The following PKHD1 variants were observed in gnomAD, a reference collection of about 807,000 sequenced individuals.
The protein encoded by PKHD1 is PKHD1 ciliary IPT domain containing fibrocystin/polyductin, also known as fibrocystin.
A neutral mutation model predicts 412.0 loss-of-function variants in PKHD1; 291 were observed. That is an observed-to-expected ratio of 0.71 (90% confidence interval 0.64 to 0.78). The LOEUF (loss-of-function observed/expected upper bound fraction) is 0.78, where lower values mean the gene tolerates loss of function less well. Ranked by LOEUF, PKHD1 falls within the 30% of genes least tolerant of loss-of-function variation. The pLI is 0.00. For synonymous variants in PKHD1, 1,777 were observed against 1,821.5 expected (o/e 0.98, Z 0.62); for missense variants, 4,825 against 4,950.7 (o/e 0.97, Z 0.76).
At chr6:51,980,170 G>C (rs1794956857) in intron 35 of PKHD1, among the ~76,000 whole-genome samples, 1 of 152,048 alleles carries the variant, frequency 6.6e-6, no homozygotes. Context: ...AAACAAATGG[G>C]GGATGTCAGT....
rs1320764846 is a variant in PKHD1 at position 52,035,584 on chromosome 6, C to T, written c.3228+7G>A. 1.2e-6 allele frequency: 2 copies of T among 1,613,526 alleles called. No individual in the cohort carries two copies. Among genetic ancestry groups the T allele is most frequent in the South Asian group, 1.1e-5 (1 of 91,058 alleles). On this transcript the variant is annotated splice_region_variant and intron_variant, in intron 28 of 66. Transcript: ENST00000371117. The stretch of plus-strand genomic sequence containing the variant: ...GAGAGAAAGAGATATGAAAGGAATC[C>T]ACTTACCCTGGGTGGAACTTTGCAC...
chr6:51,936,647 G>T (rs1414483630), intron 36 of PKHD1, among the ~76,000 whole-genome samples: 1 of 152,132 alleles, frequency 6.6e-6, no homozygotes, highest in Admixed American at 6.5e-5. Flanking sequence ...TTAGGCAAGG[G>T]CGTTACAAAG....
chr6:51,848,939 GAA>G (rs34781445), intron 49 of PKHD1, among the ~76,000 whole-genome samples: 34 of 123,950 alleles, frequency 2.7e-4, no homozygotes, highest in Admixed American at 1.4e-3. Context: ...TATTTCTTCT[GAA>G]AAAAAAAAAA....
chr6:51,873,382 G>A (rs1478148874), intron 46 of PKHD1, among the ~76,000 whole-genome samples: 1 of 152,142 alleles, frequency 6.6e-6, no homozygotes, highest in African/African-American at 2.4e-5. Flanking sequence ...TGCGGAGTGG[G>A]GTTGAATGGG....
intron 60 of PKHD1, among the ~76,000 whole-genome samples, chr6:51,727,400 T>C (rs1782710428): frequency 1.3e-5 from 2 of 151,754 alleles, no homozygotes; most frequent in East Asian, 1.9e-4. Context: ...TCAGAGCAGG[T>C]GAGGAAGTAT....
intron 19 of PKHD1, 93 bp from the exon 20 acceptor site, chr6:52,054,258 G>A: frequency 1.6e-6 from 2 of 1,236,184 alleles, no homozygotes; most frequent in Non-Finnish European, 2.4e-6. Flanking sequence ...CTAGAACCCT[G>A]CCATAGGCTC....
At chr6:51,755,765 A>G (rs1786888394) in intron 55 of PKHD1, among the ~76,000 whole-genome samples, 2 of 152,194 alleles carry the variant, frequency 1.3e-5, no homozygotes, top group African/African-American at 2.4e-5. Flanking sequence ...GTGAATGTTC[A>G]TTCAGACAAC....
intron 55 of PKHD1, among the ~76,000 whole-genome samples, chr6:51,770,915 AAGG>A (rs1369447636): frequency 6.6e-6 from 1 of 152,084 alleles, no homozygotes; most frequent in Non-Finnish European, 1.5e-5. Context: ...AGTTGAGTTT[AAGG>A]AGATTAGGCC....
chr6:51,772,785 A>T lies in PKHD1; in HGVS notation c.8559T>A (p.Val2853=). The T allele has an allele frequency of 6.4e-7, 1 of 1,556,246 alleles. No homozygotes were observed. The change falls in exon 55 of 67, where the codon GTT becomes GTA. Residue 2853 remains valine, a synonymous_variant. Transcript: ENST00000371117. ...CACTGTAAAGATGAACTTTCCCATA[A>T]ACCCCTGAAAATAAAAGGAGTAACA... ...GIHIDPGTIG[V]YGKVHLYSAY... is the part of the protein sequence containing the mutation.
chr6:51,654,621 C>T (rs1221946388), intron 61 of PKHD1, among the ~76,000 whole-genome samples: 1 of 145,204 alleles, frequency 6.9e-6, no homozygotes, highest in Non-Finnish European at 1.5e-5. Flanking sequence ...TTACAATTAG[C>T]ATCCTTTTCA....
intron 61 of PKHD1, among the ~76,000 whole-genome samples, chr6:51,658,361 T>C (rs1772232438): frequency 6.6e-6 from 1 of 152,140 alleles, no homozygotes; most frequent in East Asian, 1.9e-4. Flanking sequence ...TTCACTTGGA[T>C]ATGTTGCTCT....
chr6:52,027,532 C>CAAAAAAAAAAA (rs1229066296), intron 31 of PKHD1, among the ~76,000 whole-genome samples: 1 of 83,884 alleles, frequency 1.2e-5, no homozygotes, highest in African/African-American at 5.5e-5. Context: ...AACTCCGTCT[C>CAAAAAAAAAAA]AAAAAAAAAA....
At chr6:51,972,428 TG>T (rs1478191244) in intron 35 of PKHD1, among the ~76,000 whole-genome samples, 21 of 152,378 alleles carry the variant, frequency 1.4e-4, no homozygotes, top group Non-Finnish European at 2.2e-4. Flanking sequence ...TTTGTGTTAA[TG>T]CTAATACCAC....
At chr6:51,905,959 G>T (rs967237464) in intron 41 of PKHD1, among the ~76,000 whole-genome samples, 3 of 152,142 alleles carry the variant, frequency 2.0e-5, no homozygotes, top group African/African-American at 7.2e-5. Flanking sequence ...ATTACTGGTA[G>T]TAAACTTTAA....
At chr6:51,984,889 C>T (rs1261560657) in intron 35 of PKHD1, among the ~76,000 whole-genome samples, 6 of 152,144 alleles carry the variant, frequency 3.9e-5, no homozygotes, top group African/African-American at 1.2e-4. Context: ...AAGGAGAAAA[C>T]GTCCAAGGAT....
chr6:51,801,654 T>TGAGA (rs10582944), intron 52 of PKHD1, among the ~76,000 whole-genome samples: 52 of 114,232 alleles, frequency 4.6e-4, no homozygotes, highest in Admixed American at 1.3e-3. Context: ...TGTGTGTGTG[T>TGAGA]GAGAGAGAGA....
chr6:51,735,992 A>G (rs2150916647), intron 60 of PKHD1, among the ~76,000 whole-genome samples: 1 of 152,318 alleles, frequency 6.6e-6, no homozygotes, highest in South Asian at 2.1e-4. Flanking sequence ...AATTAGCTTT[A>G]GGACTTGGAC....
At chr6:51,846,409 A>G (rs1011790077) in intron 50 of PKHD1, among the ~76,000 whole-genome samples, 1 of 152,150 alleles carries the variant, frequency 6.6e-6, no homozygotes, top group Non-Finnish European at 1.5e-5. Flanking sequence ...TGCTAATAAG[A>G]TCCCCTGGAT....
rs997991330 is a variant in PKHD1 at position 51,870,364 on chromosome 6, G to A, written c.7486+140C>T. ...GGGAGAACCTCCAGGATGTCTTTTA[G>A]GAGATTTAAGCAACAGTTTCTACTG... On this transcript the variant is annotated intron_variant, in intron 47 of 66. Transcript: ENST00000371117. The A allele has an allele frequency of 1.9e-5, 15 of 781,076 alleles. No individual in the cohort carries two copies. The African/African-American group carries it at 2.6e-4, about 13-fold the overall frequency. 48.4% of individuals were successfully genotyped at this position (781,076 alleles called of 1,614,324 possible).
Sources: allele counts gnomAD v4.1 joint callset (sites outside exome capture counted in the v4.1 genomes callset), GRCh38; gene constraint gnomAD v4.1.1; transcripts MANE v1.5; gene names NCBI Gene and HGNC (gene_info 2026-07-23, HGNC 2026-07-21).